Variants in HSBP1L1 observed in about 807,000 individuals in gnomAD.
HSBP1L1 encodes the protein heat shock factor-binding protein 1-like protein 1.
In HSBP1L1, 8 loss-of-function variants were observed where a neutral mutation model predicts 9.7. That is an observed-to-expected ratio of 0.82 (90% confidence interval 0.48 to 1.48). The LOEUF (loss-of-function observed/expected upper bound fraction) is 1.48, where lower values mean the gene tolerates loss of function less well. Among genes scored for constraint, HSBP1L1 ranks in the 40% most tolerant of loss-of-function variants. The pLI, the probability that HSBP1L1 is intolerant of heterozygous loss-of-function variation, is 0.00. For missense variants in HSBP1L1, 106 were observed against 95.8 expected (o/e 1.11, Z -0.44); for synonymous variants, 39 against 34.4 (o/e 1.13, Z -0.46).
chr18:79,968,555 A>G (rs1026080409), intron 3 of HSBP1L1, among the ~76,000 whole-genome samples: 2 of 151,936 alleles, frequency 1.3e-5, no homozygotes, highest in Non-Finnish European at 1.5e-5. Flanking sequence ...CCAACTCACA[A>G]CCTCAGGTGA....
intron 1 of HSBP1L1, among the ~76,000 whole-genome samples, 182 bp from the exon 2 acceptor site, chr18:79,966,430 G>T (rs1443059359): frequency 6.6e-6 from 1 of 152,078 alleles, no homozygotes; most frequent in Non-Finnish European, 1.5e-5. Flanking sequence ...TGTAATCCCA[G>T]CTACTTGGAG....
chr18:79,964,666 T>C lies in HSBP1L1; in HGVS notation c.-70T>C. The C allele has an allele frequency of 1.1e-6, 1 of 889,580 alleles. No homozygotes were observed. Among genetic ancestry groups the C allele is most frequent in the Non-Finnish European group, 1.6e-6 (1 of 619,082 alleles). 55.1% of individuals were successfully genotyped at this position (889,580 alleles called of 1,614,324 possible). On this transcript the variant is annotated 5_prime_UTR_variant, in exon 1 of 4. Transcript: ENST00000451882. ...CCATACGGGAATCGCGGAGCTTAGCTGTCGCCACCTCGCGCCGGGTCCGCG... is the reference window on the plus strand; with the variant it reads ...CCATACGGGAATCGCGGAGCTTAGCCGTCGCCACCTCGCGCCGGGTCCGCG...
intron 3 of HSBP1L1, among the ~76,000 whole-genome samples, chr18:79,968,911 G>A (rs574995079): frequency 4.0e-5 from 6 of 151,240 alleles, no homozygotes; most frequent in South Asian, 4.2e-4. Context: ...GAAGCCAGGC[G>A]CGGTGGCTCA....
At chr18:79,969,394 A>AAAGAAAGAAAG (rs1555716382) in intron 3 of HSBP1L1, among the ~76,000 whole-genome samples, 8 of 80,302 alleles carry the variant, frequency 1.0e-4, no homozygotes, top group African/African-American at 3.7e-4. Flanking sequence ...AAAGAAAGAA[A>AAAGAAAGAAAG]AAAAAACGAT....
intron 2 of HSBP1L1, among the ~76,000 whole-genome samples, chr18:79,967,206 G>T (rs962388425): frequency 1.3e-5 from 2 of 150,334 alleles, no homozygotes; most frequent in African/African-American, 4.9e-5. Context: ...GATGTCTTGT[G>T]CAGCAAGTAT....
At chr18:79,968,000 G>C (rs1034801351) in intron 2 of HSBP1L1, 89 bp from the exon 3 acceptor site, 1 of 693,726 alleles carries the variant, frequency 1.4e-6, no homozygotes, top group African/African-American at 1.8e-5. Flanking sequence ...AGTTGCATGT[G>C]CCATGGGAGG....
chr18:79,968,689 G>A (rs1005669407), intron 3 of HSBP1L1, among the ~76,000 whole-genome samples: 15 of 151,282 alleles, frequency 9.9e-5, no homozygotes, highest in Non-Finnish European at 2.1e-4. Context: ...GGCTGGTCTC[G>A]AACTCCTGAC....
chr18:79,969,204 GAA>G (rs1445663897), intron 3 of HSBP1L1, among the ~76,000 whole-genome samples: 1 of 8,302 alleles, frequency 1.2e-4, no homozygotes, highest in Non-Finnish European at 3.6e-4. Context: ...AGAAAGGAAA[GAA>G]AGAAAGAAAG....
intron 3 of HSBP1L1, among the ~76,000 whole-genome samples, chr18:79,969,400 A>AAC (rs201355227): frequency 2.0e-5 from 3 of 147,884 alleles, no homozygotes; most frequent in African/African-American, 7.8e-5. Context: ...AGAAAAAAAA[A>AAC]CGATGCAGAA....
At position 79,966,823 on chromosome 18, in the gene HSBP1L1, T is replaced by C. The variant is rs74260202; in HGVS notation, c.118+145T>C. 385 of 652,956 alleles carry C rather than the reference T, an allele frequency of 5.9e-4. 3 individuals are homozygous for C. In the East Asian group the frequency reaches 9.3e-3, roughly 16 times the overall value. 40.4% of individuals were successfully genotyped at this position (652,956 alleles called of 1,614,324 possible). On this transcript the variant is annotated intron_variant, in intron 2 of 3. Transcript: ENST00000451882. ...ACTTCTGTGCTTTTATGTGGCTTCCTGATGTGTTAATTACCCCTCACCTAT... is the reference window on the plus strand; with the variant it reads ...ACTTCTGTGCTTTTATGTGGCTTCCCGATGTGTTAATTACCCCTCACCTAT...
Position 79,969,309 on chromosome 18 carries a change from A to AG in HSBP1L1, c.213+1126_213+1127insG, listed in dbSNP as rs151314869. ...GAGGGAGGGAGGGAGAGAGAGAGAG[A>AG]AAGGAAAGAAAGAAAGAAAGAAAAA... is the stretch of plus-strand genomic sequence containing the variant. On this transcript the variant is annotated intron_variant, in intron 3 of 3. Coordinates refer to ENST00000451882, the MANE Select transcript of HSBP1L1 (RefSeq NM_001136180.2). Among the ~76,000 whole-genome samples the AG allele has an allele frequency of 1.3e-3, 58 of 44,210 alleles. 1 individual carries two copies. The highest frequency in any genetic ancestry group is 9.6e-3 in the Middle Eastern group (1 of 104). 29.0% of individuals were successfully genotyped at this position (44,210 alleles called of 152,430 possible). A position where few individuals can be genotyped will look rare whatever the true frequency, so the allele number is the denominator to read the frequency against.
At chr18:79,969,673 G>C (rs1032761385) in intron 3 of HSBP1L1, among the ~76,000 whole-genome samples, 7 of 152,154 alleles carry the variant, frequency 4.6e-5, no homozygotes, top group Admixed American at 6.5e-5. Flanking sequence ...AGACACACTG[G>C]CATCATAACC....
chr18:79,967,697 C>G (rs947720545), intron 2 of HSBP1L1: 1 of 156,054 alleles, frequency 6.4e-6, no homozygotes, highest in African/African-American at 2.4e-5. Flanking sequence ...TCGCTTGAGC[C>G]CAGGAGTTCA....
chr18:79,968,770 A>T (rs929022458), intron 3 of HSBP1L1, among the ~76,000 whole-genome samples: 2 of 152,072 alleles, frequency 1.3e-5, no homozygotes, highest in African/African-American at 4.8e-5. Context: ...ACCCAGTGCA[A>T]CCCGAACCTC....
At chr18:79,966,534 C>A in intron 1 of HSBP1L1, 78 bp from the exon 2 acceptor site, 1 of 1,050,346 alleles carries the variant, frequency 9.5e-7, no homozygotes, top group Non-Finnish European at 1.4e-6. Flanking sequence ...CAAAACAAGA[C>A]TTCATCTCAG....
intron 1 of HSBP1L1, among the ~76,000 whole-genome samples, chr18:79,966,170 ATCC>A (rs2051256105): frequency 6.7e-6 from 1 of 148,892 alleles, no homozygotes; most frequent in African/African-American, 2.4e-5. Context: ...TGACCTCCTG[ATCC>A]ACCCGCCTCG....
At chr18:79,970,270 G>C (rs1157718146) in intron 3 of HSBP1L1, 170 bp from the exon 4 acceptor site, 12 of 587,526 alleles carry the variant, frequency 2.0e-5, no homozygotes, top group Middle Eastern at 5.3e-4. Context: ...GGGCAAGGTA[G>C]ACAGCAGGTA....
intron 2 of HSBP1L1, among the ~76,000 whole-genome samples, chr18:79,967,147 C>CAAAAAAAAAAAAGAAAAAAA (rs2051261840): frequency 9.5e-6 from 1 of 105,196 alleles, no homozygotes; most frequent in African/African-American, 3.7e-5. Context: ...GACTCCGTCT[C>CAAAAAAAAAAAAGAAAAAAA]AAAAAAAAAA....
chr18:79,969,337 AAGAAAGAAAG>A (rs1568356581), intron 3 of HSBP1L1, among the ~76,000 whole-genome samples: 5 of 30,012 alleles, frequency 1.7e-4, no homozygotes, highest in African/African-American at 4.6e-4. Flanking sequence ...AAGAAAAAGA[AAGAAAGAAAG>A]AAAGAAAGAA....
Sources: allele counts gnomAD v4.1 joint callset (sites outside exome capture counted in the v4.1 genomes callset), GRCh38; gene constraint gnomAD v4.1.1; transcripts MANE v1.5; gene names NCBI Gene and HGNC (gene_info 2026-07-23, HGNC 2026-07-21).